ARHGEF10L: variants seen among roughly 807,000 people sequenced by gnomAD.
The protein encoded by ARHGEF10L is rho guanine nucleotide exchange factor 10-like protein.
A neutral mutation model predicts 141.2 loss-of-function variants in ARHGEF10L; 69 were observed. The ratio of observed to expected loss-of-function variants is 0.49; its 90% CI spans 0.40 to 0.60. ARHGEF10L has a LOEUF of 0.60. ARHGEF10L is among the 20% of genes least tolerant of loss of function. The pLI is 0.00. For missense variants in ARHGEF10L, 1,482 were observed against 1,734.3 expected, an observed-to-expected ratio of 0.85 and a Z score of 2.58; for synonymous variants, 711 against 718.5, an observed-to-expected ratio of 0.99 and a Z score of 0.17.
At position 17,644,716 on chromosome 1, in the gene ARHGEF10L, C is replaced by A. The variant is rs960410916; in HGVS notation, c.2273-3838C>A. On this transcript the variant is annotated intron_variant, in intron 21 of 28. Coordinates refer to ENST00000361221, the MANE Select transcript of ARHGEF10L (RefSeq NM_018125.4). The surrounding 1 kb of genome is among the most constrained non-coding windows in gnomAD (Gnocchi z 4.5). ...TACTGGGACTGAGCCCAGTAGGAGTCTGGGAGGCAGGTCGGGCTGGAGAAG... is the reference window on the plus strand; with the variant it reads ...TACTGGGACTGAGCCCAGTAGGAGTATGGGAGGCAGGTCGGGCTGGAGAAG... Among the ~76,000 whole-genome samples the A allele has an allele frequency of 1.3e-5, 2 of 151,870 alleles. No individual in the cohort carries two copies. Among genetic ancestry groups the A allele is most frequent in the Non-Finnish European group, 2.9e-5 (2 of 67,940 alleles).
intron 4 of ARHGEF10L, 72 bp from the exon 5 acceptor site, chr1:17,602,055 C>T (rs762394734): frequency 3.8e-5 from 52 of 1,363,492 alleles, no homozygotes; most frequent in Admixed American, 7.9e-5. Flanking sequence ...TCCCGCTGAC[C>T]AGGTGAGGGG....
In ARHGEF10L at chr1:17,649,995, T is replaced by C. The variant is rs564850804; in HGVS notation, c.2394+1320T>C. On this transcript the variant is annotated intron_variant, in intron 22 of 28. Coordinates refer to ENST00000361221, the MANE Select transcript of ARHGEF10L (RefSeq NM_018125.4). ...GCTGGGTCAGCTTTGGATTTTGTTC[T>C]CAGAGCAGTAAAAAGCCTTGGAAAC... Among the ~76,000 whole-genome samples the C allele has an allele frequency of 3.1e-4, 47 of 152,300 alleles. 2 individuals are homozygous for C. In the South Asian group the frequency reaches 8.5e-3, roughly 28 times the overall value.
rs756906500 is a variant in ARHGEF10L at position 17,607,798 on chromosome 1, G to A, written c.434-4G>A. 6 of 1,567,304 alleles carry A rather than the reference G, an allele frequency of 3.8e-6. No individual in the cohort carries two copies. Among genetic ancestry groups the A allele is most frequent in the Middle Eastern group, 2.0e-4 (1 of 5,084 alleles). Reference sequence around the variant, plus strand: ...GGGCTCACCGGCTGCCGCTTGGCCAGCAGGGGCAGAGAGGAACCTGCTCTA... The same window carrying A: ...GGGCTCACCGGCTGCCGCTTGGCCAACAGGGGCAGAGAGGAACCTGCTCTA... On this transcript the variant is annotated splice_polypyrimidine_tract_variant and splice_region_variant and intron_variant, in intron 6 of 28. Transcript: ENST00000361221. This position sits in a 1 kb window ranked among gnomAD's most constrained non-coding sequence, Gnocchi z 4.5.
chr1:17,514,823 A>G, the ARHGEF10L span, among the ~76,000 whole-genome samples: 2 of 152,040 alleles, frequency 1.3e-5, no homozygotes, highest in African/African-American at 4.8e-5. Flanking sequence ...TGGCCTGGGG[A>G]CCTACTCAGC....
intron 16 of ARHGEF10L, chr1:17,634,321 T>C (rs1354922012): frequency 7.1e-6 from 5 of 701,076 alleles, no homozygotes; most frequent in Non-Finnish European, 1.3e-5. Context: ...TGTCCTTGTC[T>C]GGGATCATCT....
At chr1:17,570,561 C>A (rs550450080) in intron 1 of ARHGEF10L, among the ~76,000 whole-genome samples, 43 of 151,830 alleles carry the variant, frequency 2.8e-4, no homozygotes, top group Non-Finnish European at 5.7e-4. Flanking sequence ...GGCTCTGACA[C>A]GTGGGGCCTC....
chr1:17,561,469 G>A (rs1196438412), intron 1 of ARHGEF10L, among the ~76,000 whole-genome samples: 1 of 152,202 alleles, frequency 6.6e-6, no homozygotes, highest in African/African-American at 2.4e-5. Context: ...CAGCCCCAAT[G>A]AGCCCTCTGC....
intron 1 of ARHGEF10L, among the ~76,000 whole-genome samples, chr1:17,562,549 A>G (rs1317613584): frequency 2.6e-5 from 4 of 152,240 alleles, no homozygotes; most frequent in South Asian, 2.1e-4. Context: ...CTCAGAAATG[A>G]CAGTGAGCAT....
intron 26 of ARHGEF10L, among the ~76,000 whole-genome samples, chr1:17,680,651 C>T (rs984960696): frequency 3.3e-5 from 5 of 152,034 alleles, no homozygotes; most frequent in South Asian, 4.2e-4. Flanking sequence ...TTTTTGTCCC[C>T]GTGTACAGAT....
chr1:17,537,024 C>T (rs142567498), upstream of ARHGEF10L, among the ~76,000 whole-genome samples: 17 of 149,174 alleles, frequency 1.1e-4, no homozygotes, highest in Middle Eastern at 3.4e-3. Flanking sequence ...CATGCACTAC[C>T]GCATCTGGCT....
intron 22 of ARHGEF10L, among the ~76,000 whole-genome samples, chr1:17,653,056 G>A (rs2062023695): frequency 6.6e-6 from 1 of 152,188 alleles, no homozygotes; most frequent in Non-Finnish European, 1.5e-5. Context: ...TCCCATGAGA[G>A]GCCCTTGGTA....
At chr1:17,608,379 G>T (rs1036360228) in intron 7 of ARHGEF10L, among the ~76,000 whole-genome samples, 4 of 152,172 alleles carry the variant, frequency 2.6e-5, no homozygotes, top group Non-Finnish European at 5.9e-5. Flanking sequence ...TGCTCTCCCC[G>T]CCTTCTGGGA....
rs969478557 is a variant in ARHGEF10L at position 17,583,283 on chromosome 1, G to A, written c.37+2651G>A. ...GCTGGGGGCAGGGTTGCCTGAGGCC[G>A]GGTCTTGCCTGTGAGTTGGAGAGGA... On this transcript the variant is annotated intron_variant, in intron 2 of 28. Transcript: ENST00000361221. Among the ~76,000 whole-genome samples, 28 of 151,740 alleles carry A rather than the reference G, an allele frequency of 1.8e-4. No individual in the cohort carries two copies. The East Asian group carries it at 2.5e-3, about 14-fold the overall frequency.
Position 17,648,720 on chromosome 1 carries a change from G to A in ARHGEF10L, c.2394+45G>A, listed in dbSNP as rs201716569. 1.9e-4 allele frequency: 306 copies of A among 1,597,246 alleles called. 1 individual carries two copies. In the East Asian group the frequency reaches 3.2e-3, roughly 17 times the overall value. ...CTGAGCCGACCTCGAAGGTGGCTGC[G>A]GCTCCCCCTCGCCTGGGAGAACCAG... On this transcript the variant is annotated intron_variant, in intron 22 of 28. Transcript: ENST00000361221.
chr1:17,604,131 C>T (rs1453584383), intron 6 of ARHGEF10L, among the ~76,000 whole-genome samples: 2 of 151,988 alleles, frequency 1.3e-5, no homozygotes, highest in Non-Finnish European at 2.9e-5. Flanking sequence ...TGCTTGGACA[C>T]GTTAGGCCAA....
intron 4 of ARHGEF10L, among the ~76,000 whole-genome samples, chr1:17,592,226 C>A (rs2079607250): frequency 6.6e-6 from 1 of 152,194 alleles, no homozygotes; most frequent in Non-Finnish European, 1.5e-5. Flanking sequence ...AGTGCAATAG[C>A]CCCATGGACT....
chr1:17,590,916 G>A (rs1408280270), intron 4 of ARHGEF10L, among the ~76,000 whole-genome samples: 1 of 152,240 alleles, frequency 6.6e-6, no homozygotes, highest in Non-Finnish European at 1.5e-5. Context: ...GAACCTGGGA[G>A]GTGGAGGTTG....
At chr1:17,586,763 C>T (rs2079055386) in intron 2 of ARHGEF10L, among the ~76,000 whole-genome samples, 2 of 152,206 alleles carry the variant, frequency 1.3e-5, no homozygotes, top group Admixed American at 6.5e-5. Flanking sequence ...GGCCACACCT[C>T]CTGTAGTAGG....
chr1:17,645,572 G>T (rs1332711513), intron 21 of ARHGEF10L, among the ~76,000 whole-genome samples: 1 of 151,940 alleles, frequency 6.6e-6, no homozygotes, highest in Non-Finnish European at 1.5e-5. Flanking sequence ...TAGAGGTGAG[G>T]GTCTGCTTGA....
Sources: allele counts gnomAD v4.1 joint callset (sites outside exome capture counted in the v4.1 genomes callset), GRCh38; gene constraint gnomAD v4.1.1; non-coding constraint Gnocchi (gnomAD v3.1); transcripts MANE v1.5; gene names NCBI Gene and HGNC (gene_info 2026-07-23, HGNC 2026-07-21).